NXPE2: variants seen among roughly 807,000 people sequenced by gnomAD.
NXPE2 encodes NXPE family member 2.
A neutral mutation model predicts 34.4 loss-of-function variants in NXPE2; 34 were observed. That is an observed-to-expected ratio of 0.99 (90% CI 0.75 to 1.31). The LOEUF (loss-of-function observed/expected upper bound fraction) is 1.31, where lower values mean the gene tolerates loss of function less well. Among genes scored for constraint, NXPE2 ranks in the 40% most tolerant of loss-of-function variants. NXPE2 has a pLI of 0.00. For missense variants in NXPE2, 649 were observed against 672.5 expected (o/e 0.97, Z 0.39); for synonymous variants, 235 against 231.3 (o/e 1.02, Z -0.15).
At chr11:114,504,588 G>A in the NXPE2 span, among the ~76,000 whole-genome samples, 2 of 152,186 alleles carry the variant, frequency 1.3e-5, no homozygotes, top group Non-Finnish European at 2.9e-5. Flanking sequence ...GTCAGGCCCA[G>A]TACAAGTCCC....
chr11:114,557,656 TATATATATATATATATAA>T, the NXPE2 span, among the ~76,000 whole-genome samples: 5 of 92,328 alleles, frequency 5.4e-5, no homozygotes, highest in East Asian at 1.1e-3. Flanking sequence ...TATATATATA[TATATATATATATATATAA>T]AATCCTTGTT....
the NXPE2 span, among the ~76,000 whole-genome samples, chr11:114,664,134 C>T: frequency 2.6e-5 from 4 of 152,096 alleles, no homozygotes; most frequent in Non-Finnish European, 2.9e-5. Context: ...AAATGTCCTT[C>T]GACTAATTAA....
the NXPE2 span, among the ~76,000 whole-genome samples, chr11:114,635,808 A>G: frequency 6.6e-6 from 1 of 152,070 alleles, no homozygotes; most frequent in Non-Finnish European, 1.5e-5. Context: ...CATCCCAGGG[A>G]TGAAGCCCAC....
the NXPE2 span, among the ~76,000 whole-genome samples, chr11:114,467,731 T>G: frequency 6.7e-6 from 1 of 149,946 alleles, no homozygotes; most frequent in African/African-American, 2.5e-5. Flanking sequence ...GTCCAGGAGG[T>G]GGAGGCCAGC....
chr11:114,779,927 C>T, the NXPE2 span, among the ~76,000 whole-genome samples: 1 of 152,264 alleles, frequency 6.6e-6, no homozygotes, highest in East Asian at 1.9e-4. Flanking sequence ...AAACCAATTT[C>T]TCGTGAAAAC....
At chr11:114,535,766 A>C in the NXPE2 span, among the ~76,000 whole-genome samples, 1 of 152,216 alleles carries the variant, frequency 6.6e-6, no homozygotes, top group Non-Finnish European at 1.5e-5. Context: ...ATACAGGAGC[A>C]CCTAGATTCA....
chr11:114,583,302 G>T, the NXPE2 span: 1 of 635,862 alleles, frequency 1.6e-6, no homozygotes, highest in Non-Finnish European at 2.9e-6. Flanking sequence ...TACTACGATA[G>T]GGGTGTTGGA....
chr11:114,615,329 C>T, the NXPE2 span, among the ~76,000 whole-genome samples: 1 of 151,884 alleles, frequency 6.6e-6, no homozygotes, highest in Admixed American at 6.6e-5. Context: ...ACCACCATTA[C>T]CCGCCGGATA....
At chr11:114,717,816 C>G in the NXPE2 span, among the ~76,000 whole-genome samples, 1 of 152,132 alleles carries the variant, frequency 6.6e-6, no homozygotes, top group African/African-American at 2.4e-5. Flanking sequence ...AGTAAATCTT[C>G]CTTCTAGGTT....
At chr11:114,739,097 C>G in the NXPE2 span, among the ~76,000 whole-genome samples, 1 of 152,226 alleles carries the variant, frequency 6.6e-6, no homozygotes, top group Non-Finnish European at 1.5e-5. Flanking sequence ...TAAAGTGTTT[C>G]ATAAAGGTGC....
chr11:114,716,118 C>T, the NXPE2 span, among the ~76,000 whole-genome samples: 1 of 152,210 alleles, frequency 6.6e-6, no homozygotes, highest in African/African-American at 2.4e-5. Flanking sequence ...GCCCATTCAT[C>T]CTGTCCATGT....
chr11:114,597,542 A>G, the NXPE2 span, among the ~76,000 whole-genome samples: 1 of 152,198 alleles, frequency 6.6e-6, no homozygotes, highest in Non-Finnish European at 1.5e-5. Flanking sequence ...GGGTTCATGC[A>G]CACAGATGTA....
At chr11:114,530,690 G>A in the NXPE2 span, 1 of 1,614,190 alleles carries the variant, frequency 6.2e-7, no homozygotes. Flanking sequence ...CTCGAGGGTT[G>A]AGGATGGTGG....
the NXPE2 span, among the ~76,000 whole-genome samples, chr11:114,649,160 C>T: frequency 2.0e-5 from 3 of 151,550 alleles, no homozygotes; most frequent in Non-Finnish European, 2.9e-5. Context: ...GTGGGGTGAC[C>T]CAAACCTTTA....
the NXPE2 span, among the ~76,000 whole-genome samples, chr11:114,532,098 A>G: frequency 6.6e-6 from 1 of 152,124 alleles, no homozygotes; most frequent in Non-Finnish European, 1.5e-5. Flanking sequence ...AACACATATA[A>G]AGCTTTGAAA....
intron 3 of NXPE2, among the ~76,000 whole-genome samples, chr11:114,699,856 C>T (rs557897136): frequency 2.0e-4 from 30 of 150,554 alleles, no homozygotes; most frequent in South Asian, 8.4e-4. Context: ...TGCAGTGGTG[C>T]GATCTCGGCT....
chr11:114,785,658 C>T, the NXPE2 span, among the ~76,000 whole-genome samples: 5 of 152,058 alleles, frequency 3.3e-5, no homozygotes, highest in Admixed American at 6.5e-5. Context: ...TGGGTATTGT[C>T]GCTGGCCTAA....
the NXPE2 span, among the ~76,000 whole-genome samples, chr11:114,666,946 C>T: frequency 6.6e-6 from 1 of 152,168 alleles, no homozygotes; most frequent in African/African-American, 2.4e-5. Flanking sequence ...CACACATCCA[C>T]ACACATATGT....
At chr11:114,636,411 C>A in the NXPE2 span, among the ~76,000 whole-genome samples, 1 of 151,970 alleles carries the variant, frequency 6.6e-6, no homozygotes, top group Non-Finnish European at 1.5e-5. Flanking sequence ...TTCAAAAAAC[C>A]AGCTCCTGGA....
Sources: allele counts gnomAD v4.1 joint callset (sites outside exome capture counted in the v4.1 genomes callset), GRCh38; gene constraint gnomAD v4.1.1; transcripts MANE v1.5; gene names NCBI Gene and HGNC (gene_info 2026-07-23, HGNC 2026-07-21).